Variants in ANO3 observed in about 807,000 individuals in gnomAD.
ANO3 encodes anoctamin 3.
In ANO3, 99 loss-of-function variants were observed where a neutral mutation model predicts 144.8. The ratio of observed to expected loss-of-function variants is 0.68; its 90% CI spans 0.58 to 0.81. ANO3 has a LOEUF of 0.81. ANO3 is among the 30% of genes least tolerant of loss of function. The pLI, the probability that ANO3 is intolerant of heterozygous loss-of-function variation, is 0.00. For synonymous variants in ANO3, 414 were observed against 392.6 expected (o/e 1.05, Z -0.64); for missense variants, 905 against 1,202.2 (o/e 0.75, Z 3.66).
intron 1 of ANO3, among the ~76,000 whole-genome samples, chr11:26,363,348 G>A (rs1855977651): frequency 6.6e-6 from 1 of 152,158 alleles, no homozygotes; most frequent in Non-Finnish European, 1.5e-5. Flanking sequence ...GGTGGCTTAA[G>A]AAACAGAAAT....
intron 1 of ANO3, among the ~76,000 whole-genome samples, chr11:26,261,571 T>C (rs957578926): frequency 6.6e-6 from 1 of 152,226 alleles, no homozygotes; most frequent in East Asian, 1.9e-4. Flanking sequence ...CCACCAGTGC[T>C]AGCAGCCTTC....
chr11:26,597,224 C>G lies in ANO3; in HGVS notation c.1448-1141C>G, dbSNP rs1200674112. On this transcript the variant is annotated intron_variant, in intron 14 of 26. Coordinates refer to ENST00000256737, the MANE Select transcript of ANO3 (RefSeq NM_031418.4). ...CACTCCCAAGATGGGGCGGGCTGCT[C>G]CCAAGATGGCAGCAAGCCTTTTGTT... Among the ~76,000 whole-genome samples the G allele has an allele frequency of 5.9e-5, 9 of 152,194 alleles. No individual in the cohort carries two copies. In the East Asian group the frequency reaches 1.7e-3, roughly 29 times the overall value.
chr11:26,250,156 T>C (rs920115908), intron 1 of ANO3, among the ~76,000 whole-genome samples: 1 of 152,218 alleles, frequency 6.6e-6, no homozygotes, highest in Non-Finnish European at 1.5e-5. Flanking sequence ...AATAACTGTC[T>C]CTACTACTTG....
rs190837519 is a variant in ANO3 at position 26,348,109 on chromosome 11, A to G, written c.46+15788A>G. 6.8e-4 allele frequency among the ~76,000 whole-genome samples: 104 copies of G among 152,286 alleles called. 1 individual carries two copies. The highest frequency in any genetic ancestry group is 2.4e-3 in the African/African-American group (99 of 41,564). ...AACATATGGCTTATTTTTCAATAATACTTTCCCTCTTTTCTTTCCTCCTCT... is the reference window on the plus strand; with the variant it reads ...AACATATGGCTTATTTTTCAATAATGCTTTCCCTCTTTTCTTTCCTCCTCT... On this transcript the variant is annotated intron_variant, in intron 1 of 26. Transcript: ENST00000256737.
chr11:26,286,007 T>C (rs952418657), intron 1 of ANO3: 1 of 152,186 alleles, frequency 6.6e-6, no homozygotes, highest in African/African-American at 2.4e-5. Context: ...TCCTCAGATT[T>C]CATGTGTTGC....
chr11:26,600,969 C>T (rs924818649), intron 17 of ANO3, among the ~76,000 whole-genome samples: 3 of 152,112 alleles, frequency 2.0e-5, no homozygotes, highest in Non-Finnish European at 4.4e-5. Context: ...ATAGGCCTAC[C>T]TCTTCAATCA....
chr11:26,640,795 G>C (rs1486007361), intron 21 of ANO3, among the ~76,000 whole-genome samples: 1 of 152,088 alleles, frequency 6.6e-6, no homozygotes, highest in Non-Finnish European at 1.5e-5. Context: ...GAGTAGACCA[G>C]CCATTAAAGC....
At chr11:26,370,661 A>G (rs1308036735) in intron 1 of ANO3, among the ~76,000 whole-genome samples, 1 of 152,184 alleles carries the variant, frequency 6.6e-6, no homozygotes, top group East Asian at 1.9e-4. Context: ...GACTTTTTGA[A>G]TGGCTTTGGC....
intron 1 of ANO3, among the ~76,000 whole-genome samples, chr11:26,289,281 A>G (rs1045140605): frequency 6.6e-6 from 1 of 151,904 alleles, no homozygotes; most frequent in Non-Finnish European, 1.5e-5. Context: ...CTGTTTTATT[A>G]AGCAACTAAC....
intron 1 of ANO3, among the ~76,000 whole-genome samples, chr11:26,206,407 T>A (rs35300549): frequency 0.23 from 34,215 of 149,078 alleles, 4,756 homozygotes; most frequent in Non-Finnish European, 0.29. Flanking sequence ...AAACTTATTT[T>A]CTTTATCTCT....
intron 6 of ANO3, among the ~76,000 whole-genome samples, chr11:26,524,640 T>TA (rs1849118047): frequency 6.6e-6 from 1 of 152,158 alleles, no homozygotes; most frequent in Admixed American, 6.5e-5. Context: ...TAGAGAAAAT[T>TA]ATTTAAGAGA....
intron 1 of ANO3, among the ~76,000 whole-genome samples, chr11:26,360,743 T>G (rs4285832): frequency 0.82 from 124,302 of 152,152 alleles, 50,925 homozygotes; most frequent in East Asian, 0.98. Context: ...TTGTCAATTT[T>G]CTTTGTTACC....
At chr11:26,190,938 C>A (rs995608010) in intron 1 of ANO3, among the ~76,000 whole-genome samples, 2 of 152,184 alleles carry the variant, frequency 1.3e-5, no homozygotes, top group African/African-American at 4.8e-5. Context: ...ACATTTATTG[C>A]AGTCGCATTT....
chr11:26,543,866 C>T (rs1177084512), intron 11 of ANO3, among the ~76,000 whole-genome samples: 1 of 151,982 alleles, frequency 6.6e-6, no homozygotes, highest in Non-Finnish European at 1.5e-5. Context: ...CATTGATGGA[C>T]CTTTGGATTG....
At chr11:26,245,254 A>G (rs554475602) in intron 1 of ANO3, among the ~76,000 whole-genome samples, 2 of 152,300 alleles carry the variant, frequency 1.3e-5, no homozygotes, top group South Asian at 4.1e-4. Context: ...AGAATTTGAA[A>G]GTGATGTCCA....
intron 1 of ANO3, among the ~76,000 whole-genome samples, 184 bp from the exon 2 acceptor site, chr11:26,441,730 CTATT>C (rs1858528783): frequency 6.6e-6 from 1 of 152,128 alleles, no homozygotes; most frequent in African/African-American, 2.4e-5. Context: ...TGTCTCAAAA[CTATT>C]TAACAAAAAT....
At chr11:26,530,616 T>A in intron 7 of ANO3, among the ~76,000 whole-genome samples, 1 of 151,430 alleles carries the variant, frequency 6.6e-6, no homozygotes, top group Admixed American at 6.6e-5. Flanking sequence ...ATCCCAGCAC[T>A]TTGGGAGGCC....
intron 1 of ANO3, among the ~76,000 whole-genome samples, chr11:26,345,951 G>A (rs1412501235): frequency 6.6e-6 from 1 of 152,192 alleles, no homozygotes; most frequent in Non-Finnish European, 1.5e-5. Flanking sequence ...CAATATGGCT[G>A]TATAACTTGT....
intron 1 of ANO3, among the ~76,000 whole-genome samples, chr11:26,367,645 C>G (rs546918284): frequency 3.3e-5 from 5 of 152,086 alleles, no homozygotes; most frequent in Non-Finnish European, 7.4e-5. Context: ...TCCTGTATTT[C>G]TACATAGAAA....
Sources: gnomAD v4.1 joint callset for allele counts (sites outside exome capture counted in the v4.1 genomes callset) on GRCh38, gnomAD v4.1.1 for gene constraint, MANE v1.5 for transcripts, NCBI Gene and HGNC (gene_info 2026-07-23, HGNC 2026-07-21) for gene names.